ZFHX3: variants seen among roughly 807,000 people sequenced by gnomAD.
The protein encoded by ZFHX3 is zinc finger homeobox 3, also known as zinc finger homeobox protein 3.
A neutral mutation model predicts 279.1 loss-of-function variants in ZFHX3; 42 were observed. That is an observed-to-expected ratio of 0.15 (90% CI 0.12 to 0.19). ZFHX3 has a LOEUF of 0.19. Ranked by LOEUF, ZFHX3 falls within the 10% of genes least tolerant of loss-of-function variation. The pLI is 1.00. For missense variants in ZFHX3, 4,981 were observed against 4,754.0 expected (o/e 1.05, Z -1.40); for synonymous variants, 2,293 against 1,957.8 (o/e 1.17, Z -4.52).
intron 1 of ZFHX3, among the ~76,000 whole-genome samples, chr16:73,703,959 A>T (rs2053277547): frequency 6.6e-6 from 1 of 152,146 alleles, no homozygotes; most frequent in Non-Finnish European, 1.5e-5. Flanking sequence ...AACTCTCATC[A>T]CGCCCACCTA....
At chr16:72,927,108 A>G (rs1022005404) in intron 3 of ZFHX3, among the ~76,000 whole-genome samples, 2 of 152,102 alleles carry the variant, frequency 1.3e-5, no homozygotes, top group Non-Finnish European at 2.9e-5. Flanking sequence ...TTAGAATTTG[A>G]ACATTCAGAA....
intron 1 of ZFHX3, among the ~76,000 whole-genome samples, chr16:73,887,773 C>T (rs2030396207): frequency 6.6e-6 from 1 of 152,028 alleles, no homozygotes; most frequent in Non-Finnish European, 1.5e-5. Flanking sequence ...TGTTGGGTAA[C>T]TTAAAACAGC....
At chr16:73,379,490 T>C (rs2016783793) in intron 3 of ZFHX3, among the ~76,000 whole-genome samples, 1 of 152,202 alleles carries the variant, frequency 6.6e-6, no homozygotes, top group South Asian at 2.1e-4. Context: ...ATAGGCAGGC[T>C]ACCTAACTCT....
intron 1 of ZFHX3, among the ~76,000 whole-genome samples, chr16:73,841,094 C>T (rs1425280199): frequency 2.0e-5 from 3 of 152,086 alleles, no homozygotes; most frequent in African/African-American, 7.2e-5. Context: ...AAAATCCAAG[C>T]GGAGAAAAGT....
At chr16:73,485,411 T>C (rs2018955414) in intron 2 of ZFHX3, among the ~76,000 whole-genome samples, 1 of 132,472 alleles carries the variant, frequency 7.5e-6, no homozygotes, top group Non-Finnish European at 1.6e-5. Context: ...AAGGTAAATT[T>C]GAGGGTGAGG....
At chr16:72,893,032 C>T (rs758576776) in intron 3 of ZFHX3, among the ~76,000 whole-genome samples, 2 of 152,126 alleles carry the variant, frequency 1.3e-5, no homozygotes, top group African/African-American at 2.4e-5. Flanking sequence ...GAAACAGGAC[C>T]AGGATATTCC....
intron 2 of ZFHX3, chr16:73,609,465 A>G (rs931960109): frequency 1.3e-5 from 2 of 152,238 alleles, no homozygotes; most frequent in African/African-American, 4.8e-5. Context: ...GTTGTCAACA[A>G]TAGAAAGGAG....
chr16:73,334,810 C>CTTTTTTTTTTTTTTTTTTT lies in ZFHX3; in HGVS notation c.-1290-16493_-1290-16475dup. 1.6e-3 allele frequency among the ~76,000 whole-genome samples: 92 copies of CTTTTTTTTTTTTTTTTTTT among 57,908 alleles called. 10 individuals are homozygous for CTTTTTTTTTTTTTTTTTTT. The highest frequency in any genetic ancestry group is 2.5e-3 in the Non-Finnish European group (73 of 29,184). 38.0% of individuals were successfully genotyped at this position (57,908 alleles called of 152,430 possible). A position where few individuals can be genotyped will look rare whatever the true frequency, so the allele number is the denominator to read the frequency against. On this transcript the variant is annotated intron_variant, in intron 3 of 17. Coordinates refer to the ZFHX3 transcript ENST00000641206. ...TCTTTTCCTCCTTTTCTTTCTCATT[C>CTTTTTTTTTTTTTTTTTTT]TTTTTTTTTTTTTTTTTTTTTTTTT...
At chr16:73,103,511 C>T (rs1206509669) in intron 7 of ZFHX3, among the ~76,000 whole-genome samples, 2 of 152,200 alleles carry the variant, frequency 1.3e-5, no homozygotes, top group African/African-American at 4.8e-5. Context: ...TCCTTATTTC[C>T]ATAGCTCTCT....
chr16:72,841,278 A>C (rs1240084990), intron 4 of ZFHX3, among the ~76,000 whole-genome samples: 1 of 152,268 alleles, frequency 6.6e-6, no homozygotes, highest in African/African-American at 2.4e-5. Context: ...AACAGGCAAC[A>C]GAAGCAACAT....
chr16:72,929,325 T>C (rs1479920909), intron 3 of ZFHX3, among the ~76,000 whole-genome samples: 1 of 151,940 alleles, frequency 6.6e-6, no homozygotes, highest in Non-Finnish European at 1.5e-5. Context: ...GTTCTACCTA[T>C]ATGTTAAATT....
Position 72,957,982 on chromosome 16 carries a change from C to T in ZFHX3, c.2164G>A (p.Gly722Ser), listed in dbSNP as rs765384225. 5 of 1,614,036 alleles carry T rather than the reference C, an allele frequency of 3.1e-6. No homozygotes were observed. The Admixed American group carries it at 6.7e-5, about 22-fold the overall frequency. Residue 722 changes from glycine (G) to serine (S), a missense_variant, in exon 2 of 10, where the codon GGT becomes AGT. Around this residue, in one of 7 missense-constraint regions of ZFHX3, gnomAD observed 39 missense variants for 68.2 expected, o/e 0.57. Transcript: ENST00000268489. ...RLARGESYTC[G>S]YKPFRCEVCN... ...ACCTCGCAGCGGAAAGGCTTGTAAC[C>T]ACACGTGTAGCTCTCGCCTCGTGCC... is the stretch of plus-strand genomic sequence containing the variant.
chr16:72,806,168 T>C (rs1162774982), intron 7 of ZFHX3: 2 of 152,256 alleles, frequency 1.3e-5, no homozygotes, highest in Non-Finnish European at 2.9e-5. Flanking sequence ...TTGTTTCCTT[T>C]CTAAAACTGC....
At chr16:73,869,059 C>T (rs1420658031) in intron 1 of ZFHX3, among the ~76,000 whole-genome samples, 1 of 152,090 alleles carries the variant, frequency 6.6e-6, no homozygotes, top group African/African-American at 2.4e-5. Flanking sequence ...CGGGATTTGT[C>T]CAGGTCACTA....
chr16:73,338,786 T>G, intron 3 of ZFHX3, among the ~76,000 whole-genome samples: 1 of 152,190 alleles, frequency 6.6e-6, no homozygotes, highest in East Asian at 1.9e-4. Flanking sequence ...TCCCCAGTGT[T>G]ATAGGAGGGG....
At chr16:73,158,419 C>T (rs749969411) in intron 5 of ZFHX3, among the ~76,000 whole-genome samples, 2 of 152,014 alleles carry the variant, frequency 1.3e-5, no homozygotes, top group Admixed American at 6.6e-5. Flanking sequence ...TTTTCTTTCT[C>T]GCTCCCTTCC....
chr16:72,925,039 C>T (rs901534951), intron 3 of ZFHX3, among the ~76,000 whole-genome samples: 4 of 152,206 alleles, frequency 2.6e-5, no homozygotes, highest in East Asian at 1.9e-4. Context: ...GGCCTTACAA[C>T]GGGGACACAC....
At chr16:72,968,021 A>C (rs61427060) in intron 1 of ZFHX3, among the ~76,000 whole-genome samples, 2,993 of 151,480 alleles carry the variant, frequency 0.02, 51 homozygotes, top group Middle Eastern at 0.048. Context: ...GGAAAAAAAA[A>C]AACAACAACA....
chr16:72,818,055 C>A (rs1318686353), intron 5 of ZFHX3, among the ~76,000 whole-genome samples: 1 of 152,208 alleles, frequency 6.6e-6, no homozygotes, highest in Non-Finnish European at 1.5e-5. Flanking sequence ...TTACAGCAAT[C>A]TTTTCTCTAT....
Sources: allele counts gnomAD v4.1 joint callset (sites outside exome capture counted in the v4.1 genomes callset), GRCh38; gene constraint gnomAD v4.1.1; regional missense constraint gnomAD v4.1.1; transcripts MANE v1.5; gene names NCBI Gene and HGNC (gene_info 2026-07-23, HGNC 2026-07-21).